UBR2: variants seen among roughly 807,000 people sequenced by gnomAD.
UBR2 encodes the protein E3 ubiquitin-protein ligase UBR2.
Under a neutral mutation model 247.9 loss-of-function variants are expected in UBR2, and 92 were observed. That is an observed-to-expected ratio of 0.37 (90% CI 0.31 to 0.44). The LOEUF (loss-of-function observed/expected upper bound fraction) is 0.44, where lower values mean the gene tolerates loss of function less well. Among genes scored for constraint, UBR2 ranks in the 20% least tolerant of loss-of-function variants. The pLI is 1.00. For synonymous variants in UBR2, 672 were observed against 693.5 expected (o/e 0.97, Z 0.49); for missense variants, 1,613 against 2,112.6 (o/e 0.76, Z 4.64).
intron 17 of UBR2, 119 bp from the exon 18 acceptor site, chr6:42,642,297 G>A (rs769191403): frequency 1.5e-6 from 1 of 681,670 alleles, no homozygotes; most frequent in Non-Finnish European, 2.5e-6. Context: ...TTAATTGTTA[G>A]AGAAACCACA....
chr6:42,635,094 A>T (rs949691308), intron 13 of UBR2, among the ~76,000 whole-genome samples: 1 of 152,144 alleles, frequency 6.6e-6, no homozygotes, highest in Non-Finnish European at 1.5e-5. Context: ...TCTTTTAACA[A>T]TTTTTTCTAT....
chr6:42,627,667 GT>G (rs545353663), intron 11 of UBR2, among the ~76,000 whole-genome samples: 46 of 146,660 alleles, frequency 3.1e-4, no homozygotes, highest in Non-Finnish European at 5.3e-4. Flanking sequence ...ACCTGGCTAA[GT>G]TTTTTTTTTT....
intron 2 of UBR2, among the ~76,000 whole-genome samples, chr6:42,589,641 G>T (rs1310858818): frequency 3.9e-5 from 6 of 152,146 alleles, no homozygotes; most frequent in African/African-American, 1.4e-4. Context: ...CAGTGCTTTT[G>T]ATTTTGAAGG....
chr6:42,651,040 G>A (rs997153311), intron 23 of UBR2, among the ~76,000 whole-genome samples: 39 of 151,998 alleles, frequency 2.6e-4, no homozygotes, highest in African/African-American at 8.7e-4. Context: ...TGGCCAACAT[G>A]TTGAAATCCC....
At chr6:42,619,098 A>G (rs545005802) in intron 11 of UBR2, among the ~76,000 whole-genome samples, 2 of 152,136 alleles carry the variant, frequency 1.3e-5, no homozygotes, top group South Asian at 4.1e-4. Flanking sequence ...ATAATTATTT[A>G]TAGCTTAATA....
intron 34 of UBR2, among the ~76,000 whole-genome samples, chr6:42,669,260 CTCTT>C (rs1181587579): frequency 3.9e-5 from 6 of 152,302 alleles, no homozygotes; most frequent in African/African-American, 1.4e-4. Flanking sequence ...GTAAGATACT[CTCTT>C]TATCTCTTCA....
intron 25 of UBR2, among the ~76,000 whole-genome samples, chr6:42,655,057 G>A (rs2151969438): frequency 6.6e-6 from 1 of 152,308 alleles, no homozygotes; most frequent in South Asian, 2.1e-4. Context: ...GTCACAGCTG[G>A]TGTAATTTTA....
Position 42,645,598 on chromosome 6 carries a change from C to G in UBR2, c.2409+8C>G, listed in dbSNP as rs1451990523. 4 of 1,610,008 alleles carry G rather than the reference C, an allele frequency of 2.5e-6. No homozygotes were observed. The highest frequency in any genetic ancestry group is 3.4e-6 in the Non-Finnish European group (4 of 1,179,028). On this transcript the variant is annotated splice_region_variant and intron_variant, in intron 21 of 46. Coordinates refer to ENST00000372901, the MANE Select transcript of UBR2 (RefSeq NM_001363705.2). ...AAGTCTTTACCTGAAGATGTAAGTA[C>G]CTACATTTCTAAAAAGAAAACCATA... is the stretch of plus-strand genomic sequence containing the variant.
At chr6:42,683,014 TAA>T in intron 42 of UBR2, 39 bp from the exon 43 acceptor site, 2 of 1,527,368 alleles carry the variant, frequency 1.3e-6, no homozygotes, top group Non-Finnish European at 8.8e-7. Context: ...TCTAACCCTT[TAA>T]AAGTGTTTTG....
intron 31 of UBR2, 94 bp downstream of exon 31, chr6:42,662,371 G>C (rs895042540): frequency 1.2e-4 from 95 of 762,196 alleles, no homozygotes; most frequent in Non-Finnish European, 5.0e-5. Flanking sequence ...AAAAGGAAAA[G>C]AACTAAAAAT....
intron 11 of UBR2, among the ~76,000 whole-genome samples, chr6:42,626,017 T>C (rs1795325968): frequency 6.6e-6 from 1 of 152,020 alleles, no homozygotes; most frequent in Non-Finnish European, 1.5e-5. Context: ...GGTTTCACCA[T>C]GTTAGCCAGG....
Position 42,612,187 on chromosome 6 carries a change from A to G in UBR2, c.881A>G (p.Gln294Arg). ...KSVIVRNTSR[Q>R]TKPLKVQVMH... ...CTTTTTAAGAGAAATACCAGTAGAC[A>G]GACAAAGCCACTCAAAGTTCAAGTT... Residue 294 changes from glutamine to arginine, a missense_variant, in exon 8 of 47, where the codon CAG (glutamine) becomes CGG (arginine). Coordinates refer to ENST00000372901, the MANE Select transcript of UBR2 (RefSeq NM_001363705.2). 6.5e-7 allele frequency: 1 copy of G among 1,535,246 alleles called. No individual in the cohort carries two copies. The highest frequency in any genetic ancestry group is 8.9e-7 in the Non-Finnish European group (1 of 1,124,164).
chr6:42,600,033 GT>G (rs1057480488), intron 4 of UBR2, among the ~76,000 whole-genome samples: 2 of 152,188 alleles, frequency 1.3e-5, no homozygotes, highest in African/African-American at 4.8e-5. Context: ...AATTGAGGTT[GT>G]TTTGATGACT....
Position 42,612,333 on chromosome 6 carries a change from A to G in UBR2, c.985+42A>G, listed in dbSNP as rs771517982. The G allele has an allele frequency of 8.9e-6, 13 of 1,453,680 alleles. No homozygotes were observed. In the Admixed American group the frequency reaches 2.5e-4, roughly 28 times the overall value. The allele number at this position is 1,453,680 out of a possible 1,614,324, so 90.0% of individuals were successfully genotyped here. On this transcript the variant is annotated intron_variant, in intron 8 of 46. Transcript: ENST00000372901. ...TCATGCCAATTGTCTATTAAAAATG[A>G]GCTCAATATGCTGTTGCAAAACTGT...
Position 42,658,823 on chromosome 6 carries a change from AG to A in UBR2, c.3242+1del. 1 of 1,420,172 alleles carries A rather than the reference AG, an allele frequency of 7.0e-7. No homozygotes were observed. Among genetic ancestry groups the A allele is most frequent in the Non-Finnish European group, 9.2e-7 (1 of 1,090,104 alleles). The allele number at this position is 1,420,172 out of a possible 1,614,324, so 88.0% of individuals were successfully genotyped here. On this transcript the variant is annotated frameshift_variant and splice_region_variant, in exon 29 of 47. Transcript: ENST00000372901. LOFTEE classifies it high-confidence loss of function. ...CTCAACCTCTGCTGTTCTTGATCAT[AG>A]GTAAAAAAAAAAAAAAAAAAAATTA... Reference protein sequence around the residue: ...DASTSAVLDHSPVASDMTLTA... With the variant: ...DASTSAVLDHXPVASDMTLTA...
At chr6:42,636,039 C>T (rs531704346) in intron 14 of UBR2, among the ~76,000 whole-genome samples, 16 of 152,058 alleles carry the variant, frequency 1.1e-4, no homozygotes, top group Non-Finnish European at 2.2e-4. Context: ...GAGAAGACAG[C>T]TGCATTATAG....
intron 1 of UBR2, among the ~76,000 whole-genome samples, chr6:42,566,677 C>T (rs970404286): frequency 2.0e-5 from 3 of 152,280 alleles, no homozygotes; most frequent in African/African-American, 7.2e-5. Context: ...CGTGAGCCAC[C>T]GCACACAGCC....
chr6:42,627,601 C>A (rs551879840), intron 11 of UBR2, among the ~76,000 whole-genome samples: 2 of 152,150 alleles, frequency 1.3e-5, no homozygotes, highest in East Asian at 3.9e-4. Flanking sequence ...AAATTCAAGC[C>A]AACCTCCTGC....
At chr6:42,650,462 C>A in intron 23 of UBR2, 76 bp downstream of exon 23, 2 of 1,283,594 alleles carry the variant, frequency 1.6e-6, no homozygotes, top group Non-Finnish European at 1.1e-6. Flanking sequence ...CACCATGTTG[C>A]CCAGGCTAGA....
Sources: gnomAD v4.1 joint callset for allele counts (sites outside exome capture counted in the v4.1 genomes callset) on GRCh38, gnomAD v4.1.1 for gene constraint, MANE v1.5 for transcripts, NCBI Gene and HGNC (gene_info 2026-07-23, HGNC 2026-07-21) for gene names.